The following UBL3 variants were observed in gnomAD, a reference collection of about 807,000 sequenced individuals.
The protein encoded by UBL3 is ubiquitin like 3.
UBL3 carries 6 observed loss-of-function variants against 18.4 expected under a neutral mutation model. The ratio of observed to expected loss-of-function variants is 0.33; its 90% CI spans 0.18 to 0.64. The LOEUF (loss-of-function observed/expected upper bound fraction) is 0.64. Ranked by LOEUF, UBL3 falls within the 30% of genes least tolerant of loss-of-function variation. The pLI is 0.76. For missense variants in UBL3, 109 were observed against 142.9 expected (o/e 0.76, Z 1.21); for synonymous variants, 49 against 46.6 (o/e 1.05, Z -0.21).
In UBL3 at chr13:29,775,178, ATGT is replaced by A. The variant is rs377485420; in HGVS notation, c.136+1974_136+1976del. Reference sequence around the variant, plus strand: ...CAAAAATACATCATCTAGCACATTAATGTTGTTAACTTGAACATTATTGGTTTC... The same window carrying A: ...CAAAAATACATCATCTAGCACATTAATGTTAACTTGAACATTATTGGTTTC... On this transcript the variant is annotated intron_variant, in intron 2 of 4. Transcript: ENST00000380680. 3.7e-3 allele frequency among the ~76,000 whole-genome samples: 559 copies of A among 152,328 alleles called. 5 individuals carry two copies. The highest frequency in any genetic ancestry group is 6.2e-3 in the Non-Finnish European group (419 of 68,018).
At chr13:29,816,914 A>G (rs1050622567) in intron 1 of UBL3, among the ~76,000 whole-genome samples, 3 of 152,142 alleles carry the variant, frequency 2.0e-5, no homozygotes, top group Non-Finnish European at 4.4e-5. Flanking sequence ...TAGGTAGCAG[A>G]CTGCTGCTAT....
chr13:29,809,116 A>G (rs1249230924), intron 1 of UBL3, among the ~76,000 whole-genome samples: 1 of 152,170 alleles, frequency 6.6e-6, no homozygotes, highest in Non-Finnish European at 1.5e-5. Context: ...GATGTCTGAA[A>G]ACATGGAACT....
intron 1 of UBL3, among the ~76,000 whole-genome samples, chr13:29,805,276 C>G (rs1053319948): frequency 1.1e-4 from 16 of 152,224 alleles, no homozygotes; most frequent in African/African-American, 3.6e-4. Context: ...CAGCTTTCCA[C>G]AGTAATTCTC....
chr13:29,788,775 G>A (rs537332154), intron 1 of UBL3, among the ~76,000 whole-genome samples: 1 of 152,046 alleles, frequency 6.6e-6, no homozygotes, highest in South Asian at 2.1e-4. Flanking sequence ...AATAAGTTTG[G>A]AAATGGGTTA....
At chr13:29,833,914 G>A (rs1318693217) in intron 1 of UBL3, among the ~76,000 whole-genome samples, 3 of 152,158 alleles carry the variant, frequency 2.0e-5, no homozygotes, top group Admixed American at 6.5e-5. Flanking sequence ...AATAAATAAC[G>A]CAGTGGCTCA....
At chr13:29,785,535 TAG>T (rs1352993119) in intron 1 of UBL3, among the ~76,000 whole-genome samples, 3 of 152,200 alleles carry the variant, frequency 2.0e-5, no homozygotes, top group Non-Finnish European at 4.4e-5. Flanking sequence ...AAACATTTTC[TAG>T]AGTTATGAAT....
chr13:29,818,456 TCTTC>T (rs1330086030), intron 1 of UBL3, among the ~76,000 whole-genome samples: 2 of 152,226 alleles, frequency 1.3e-5, no homozygotes, highest in African/African-American at 4.8e-5. Context: ...ATAACTATTT[TCTTC>T]CTTTTCCTTC....
Position 29,849,805 on chromosome 13 carries a change from ACAG to A in UBL3, c.-270_-268del. ...GCCCCCGTCGTCGTCGTCGTCGTCA[ACAG>A]CAGCAGCAGCCCCAGGACCGGCCGC... On this transcript the variant is annotated 5_prime_UTR_variant, in exon 1 of 5. Transcript: ENST00000380680. 10 of 572,672 alleles carry A rather than the reference ACAG, an allele frequency of 1.7e-5. No individual in the cohort carries two copies. The highest frequency in any genetic ancestry group is 2.0e-5 in the South Asian group (1 of 49,214). The allele number at this position is 572,672 out of a possible 1,614,324, so 35.5% of individuals were successfully genotyped here.
intron 1 of UBL3, among the ~76,000 whole-genome samples, chr13:29,817,493 T>C (rs1398631459): frequency 1.3e-5 from 2 of 152,058 alleles, no homozygotes; most frequent in Admixed American, 6.6e-5. Context: ...GCTGAGGTGA[T>C]GGAAATAAGA....
intron 1 of UBL3, among the ~76,000 whole-genome samples, chr13:29,835,158 AT>A (rs1878923928): frequency 2.7e-4 from 15 of 54,648 alleles, no homozygotes; most frequent in African/African-American, 1.2e-3. Context: ...ATATATATAT[AT>A]ATATATATAT....
chr13:29,822,272 G>C (rs546709161), intron 1 of UBL3, among the ~76,000 whole-genome samples: 18 of 152,246 alleles, frequency 1.2e-4, no homozygotes, highest in Non-Finnish European at 2.1e-4. Flanking sequence ...CTTTTCAAAG[G>C]TGTTGTATAC....
intron 2 of UBL3, among the ~76,000 whole-genome samples, chr13:29,775,814 C>T (rs1206746417): frequency 6.6e-6 from 1 of 151,970 alleles, no homozygotes; most frequent in African/African-American, 2.4e-5. Flanking sequence ...CGGGGTTTCA[C>T]CATGTTGGCC....
At chr13:29,793,389 A>T (rs942994571) in intron 1 of UBL3, among the ~76,000 whole-genome samples, 3 of 152,164 alleles carry the variant, frequency 2.0e-5, no homozygotes, top group African/African-American at 7.2e-5. Context: ...AAAATATCAC[A>T]TATTTTTTGC....
chr13:29,810,956 T>C (rs760830654), intron 1 of UBL3, among the ~76,000 whole-genome samples: 9 of 152,122 alleles, frequency 5.9e-5, no homozygotes, highest in Admixed American at 5.3e-4. Context: ...CAACTTTTAC[T>C]AGCTATGTAT....
chr13:29,839,246 G>C (rs989242964), intron 1 of UBL3, among the ~76,000 whole-genome samples: 1 of 152,138 alleles, frequency 6.6e-6, no homozygotes, highest in African/African-American at 2.4e-5. Context: ...CATAAAGCAA[G>C]TGTCAACAAA....
chr13:29,815,556 T>TAA (rs922579499), intron 1 of UBL3, among the ~76,000 whole-genome samples: 13 of 152,210 alleles, frequency 8.5e-5, no homozygotes. Flanking sequence ...AACCCCATTT[T>TAA]ATTGTTGCTC....
At chr13:29,781,828 T>TAAAAA (rs11357100) in intron 1 of UBL3, among the ~76,000 whole-genome samples, 3 of 82,720 alleles carry the variant, frequency 3.6e-5, no homozygotes, top group African/African-American at 5.0e-5. Context: ...TACAAAAAAT[T>TAAAAA]AAAAAAAAAA....
In UBL3 at chr13:29,807,944, C is replaced by T. The variant is rs1400140766; in HGVS notation, c.28-30681G>A. Reference sequence around the variant, plus strand: ...TGTCTATTGCTACTTAATGGTTAAACGTATTACAATAGTCTATTTTATAAA... The same window carrying T: ...TGTCTATTGCTACTTAATGGTTAAATGTATTACAATAGTCTATTTTATAAA... On this transcript the variant is annotated intron_variant, in intron 1 of 4. Coordinates refer to ENST00000380680, the MANE Select transcript of UBL3 (RefSeq NM_007106.4). Among the ~76,000 whole-genome samples the T allele has an allele frequency of 2.6e-5, 4 of 152,056 alleles. No individual in the cohort carries two copies. The East Asian group carries it at 5.8e-4, about 22-fold the overall frequency.
intron 1 of UBL3, among the ~76,000 whole-genome samples, chr13:29,800,912 C>A (rs879321577): frequency 2.0e-5 from 3 of 152,134 alleles, no homozygotes; most frequent in East Asian, 1.9e-4. Flanking sequence ...GACAGGGACC[C>A]CCCCACGGTG....
Sources: gnomAD v4.1 joint callset for allele counts (sites outside exome capture counted in the v4.1 genomes callset) on GRCh38, gnomAD v4.1.1 for gene constraint, MANE v1.5 for transcripts, NCBI Gene and HGNC (gene_info 2026-07-23, HGNC 2026-07-21) for gene names.